USH2A: variants seen among roughly 807,000 people sequenced by gnomAD.
The protein encoded by USH2A is Usher syndrome 2A (autosomal recessive, mild).
Under a neutral mutation model 538.9 loss-of-function variants are expected in USH2A, and 443 were observed. The ratio of observed to expected loss-of-function variants is 0.82; its 90% CI spans 0.76 to 0.89. The LOEUF (loss-of-function observed/expected upper bound fraction) is 0.89. USH2A is among the 40% of genes least tolerant of loss of function. The probability of loss-of-function intolerance (pLI) is 0.00; values close to 1 mark genes in which losing one functional copy is unlikely to be tolerated. For synonymous variants in USH2A, 2,413 were observed against 2,273.5 expected (o/e 1.06, Z -1.75); for missense variants, 6,633 against 6,324.8 (o/e 1.05, Z -1.65).
chr1:215,648,559 G>T lies in USH2A; in HGVS notation c.14551C>A (p.Pro4851Thr), dbSNP rs758804502. The T allele has an allele frequency of 5.6e-6, 9 of 1,614,020 alleles. No individual in the cohort carries two copies. In the South Asian group the frequency reaches 8.8e-5, roughly 16 times the overall value. Reference sequence around the variant, plus strand: ...ATGACACCATTGGGGAACATGGGGGGACTCCACCGGAAGGAGGCCGTCCTT... The same window carrying T: ...ATGACACCATTGGGGAACATGGGGGTACTCCACCGGAAGGAGGCCGTCCTT... The part of the protein sequence containing the change: ...ASRTASFRWS[P>T]PMFPNGVIHS... Residue 4851 changes from proline to threonine, a missense_variant, in exon 66 of 72, where the codon CCC becomes ACC. Coordinates refer to ENST00000307340, the MANE Select transcript of USH2A (RefSeq NM_206933.4).
chr1:215,634,778 A>T lies in USH2A; in HGVS notation c.15053-75T>A, dbSNP rs1181582493. 6 of 1,611,228 alleles carry T rather than the reference A, an allele frequency of 3.7e-6. No individual in the cohort carries two copies. In the East Asian group the frequency reaches 1.3e-4, roughly 36 times the overall value. ...TTGTCATCTCTGGCCCTGCTATTTG[A>T]TAGTAAATTAGAGAGGAGTTGAAAG... On this transcript the variant is annotated intron_variant, in intron 69 of 71. Transcript: ENST00000307340.
At chr1:216,116,554 C>T (rs192030950) in intron 21 of USH2A, among the ~76,000 whole-genome samples, 1 of 152,126 alleles carries the variant, frequency 6.6e-6, no homozygotes, top group African/African-American at 2.4e-5. Flanking sequence ...CAGTGGATCC[C>T]AAGCAATTGG....
intron 3 of USH2A, among the ~76,000 whole-genome samples, chr1:216,415,672 C>T (rs2039566218): frequency 6.6e-6 from 1 of 151,852 alleles, no homozygotes; most frequent in African/African-American, 2.4e-5. Flanking sequence ...AGACACGCAC[C>T]ATCACACCTG....
intron 35 of USH2A, among the ~76,000 whole-genome samples, chr1:215,984,598 T>A (rs1667828046): frequency 6.6e-6 from 1 of 152,234 alleles, no homozygotes; most frequent in Non-Finnish European, 1.5e-5. Context: ...CAAATTGTAT[T>A]TCCTAAGGTG....
chr1:215,646,097 A>G (rs547594176), intron 67 of USH2A, among the ~76,000 whole-genome samples: 1 of 152,304 alleles, frequency 6.6e-6, no homozygotes, highest in Admixed American at 6.5e-5. Context: ...AGTAAAAATT[A>G]CCCATAGAAA....
intron 46 of USH2A, among the ~76,000 whole-genome samples, chr1:215,838,930 G>C (rs993918028): frequency 6.6e-6 from 1 of 152,146 alleles, no homozygotes; most frequent in Non-Finnish European, 1.5e-5. Flanking sequence ...AGGCAAGCTA[G>C]GTACTGATGA....
At chr1:216,150,866 T>A (rs1449911142) in intron 21 of USH2A, among the ~76,000 whole-genome samples, 1 of 152,188 alleles carries the variant, frequency 6.6e-6, no homozygotes, top group Non-Finnish European at 1.5e-5. Context: ...ACTCTTCATC[T>A]CCGAAGTCCA....
chr1:216,080,319 C>G (rs1215699391), intron 26 of USH2A, among the ~76,000 whole-genome samples: 2 of 151,756 alleles, frequency 1.3e-5, no homozygotes, highest in African/African-American at 2.4e-5. Flanking sequence ...GCTAAGAGAA[C>G]TTAATGAAAT....
At chr1:216,178,272 G>A (rs2034430559) in intron 20 of USH2A, among the ~76,000 whole-genome samples, 1 of 152,134 alleles carries the variant, frequency 6.6e-6, no homozygotes, top group African/African-American at 2.4e-5. Context: ...TTTTATATAT[G>A]TATGAATCTG....
In USH2A at chr1:216,306,666, T is replaced by G. The variant is rs147964671; in HGVS notation, c.1645-14296A>C. Among the ~76,000 whole-genome samples, 406 of 152,340 alleles carry G rather than the reference T, an allele frequency of 2.7e-3. 3 individuals are homozygous for G. The highest frequency in any genetic ancestry group is 9.4e-3 in the African/African-American group (391 of 41,570). On this transcript the variant is annotated intron_variant, in intron 9 of 71. Transcript: ENST00000307340. ...TCAGAGGGAAGATCTGGGGCTCAAG[T>G]GCTGTTGTTCAGATTCTTTCTTCCC...
At chr1:215,755,335 GC>G (rs1660757936) in intron 58 of USH2A, among the ~76,000 whole-genome samples, 2 of 152,128 alleles carry the variant, frequency 1.3e-5, no homozygotes, top group Non-Finnish European at 2.9e-5. Context: ...TTTTGTAATG[GC>G]AGGGAGTATG....
chr1:216,255,177 C>G (rs1249351476), intron 11 of USH2A, among the ~76,000 whole-genome samples: 1 of 152,304 alleles, frequency 6.6e-6, no homozygotes, highest in South Asian at 2.1e-4. Flanking sequence ...GCCTGAATCA[C>G]AATTTTGGCC....
At chr1:215,629,773 CTTTTTTTTTTT>C (rs34349385) in intron 70 of USH2A, among the ~76,000 whole-genome samples, 10 of 125,056 alleles carry the variant, frequency 8.0e-5, no homozygotes, top group Admixed American at 4.0e-4. Flanking sequence ...CTTTTCTTTT[CTTTTTTTTTTT>C]TTTTTTTTTG....
chr1:216,103,549 T>A (rs1023457618), intron 21 of USH2A, among the ~76,000 whole-genome samples: 1 of 152,146 alleles, frequency 6.6e-6, no homozygotes, highest in Non-Finnish European at 1.5e-5. Context: ...AAATTTTGCC[T>A]TCCAAAATCC....
intron 32 of USH2A, among the ~76,000 whole-genome samples, chr1:216,026,580 T>C (rs1009435556): frequency 6.6e-6 from 1 of 152,178 alleles, no homozygotes; most frequent in African/African-American, 2.4e-5. Flanking sequence ...ATTCTCCACA[T>C]AATGACATCT....
intron 11 of USH2A, among the ~76,000 whole-genome samples, chr1:216,264,837 T>C (rs918519264): frequency 6.6e-6 from 1 of 152,058 alleles, no homozygotes; most frequent in Non-Finnish European, 1.5e-5. Context: ...CTTCAATAAA[T>C]GGTGCTGGGG....
chr1:215,655,494 T>C lies in USH2A; in HGVS notation c.14134-4693A>G, dbSNP rs1250277998. 2.6e-5 allele frequency among the ~76,000 whole-genome samples: 4 copies of C among 152,170 alleles called. No individual in the cohort carries two copies. The East Asian group carries it at 7.7e-4, about 29-fold the overall frequency. On this transcript the variant is annotated intron_variant, in intron 64 of 71. Transcript: ENST00000307340. Reference sequence around the variant, plus strand: ...ATTGCTGAGTCTATTTTTCTCTCAGTGCAGAGTAACATTATTCTAAATGCT... The same window carrying C: ...ATTGCTGAGTCTATTTTTCTCTCAGCGCAGAGTAACATTATTCTAAATGCT...
intron 32 of USH2A, among the ~76,000 whole-genome samples, chr1:216,034,634 G>T (rs1669203330): frequency 6.6e-6 from 1 of 152,100 alleles, no homozygotes; most frequent in Non-Finnish European, 1.5e-5. Flanking sequence ...GATACAAGCA[G>T]AGATTGGGGT....
chr1:215,662,096 AC>A (rs1657454788), intron 64 of USH2A, among the ~76,000 whole-genome samples: 2 of 152,222 alleles, frequency 1.3e-5, no homozygotes, highest in Non-Finnish European at 2.9e-5. Context: ...CTTAATAAGG[AC>A]AGTTTATTAA....
Sources: gnomAD v4.1 joint callset for allele counts (sites outside exome capture counted in the v4.1 genomes callset) on GRCh38, gnomAD v4.1.1 for gene constraint, MANE v1.5 for transcripts, NCBI Gene and HGNC (gene_info 2026-07-23, HGNC 2026-07-21) for gene names.